RORA: variants seen among roughly 807,000 people sequenced by gnomAD.
RORA encodes the protein RAR related orphan receptor A, also known as nuclear receptor ROR-alpha.
In RORA, 7 loss-of-function variants were observed where a neutral mutation model predicts 69.5. The ratio of observed to expected loss-of-function variants is 0.10; its 90% CI spans 0.06 to 0.19. The LOEUF (loss-of-function observed/expected upper bound fraction) is 0.19. Among genes scored for constraint, RORA ranks in the 10% least tolerant of loss-of-function variants. The pLI, the probability that RORA is intolerant of heterozygous loss-of-function variation, is 1.00. For missense variants in RORA, 457 were observed against 663.0 expected, an observed-to-expected ratio of 0.69 and a Z score of 3.41; for synonymous variants, 261 against 240.8, an observed-to-expected ratio of 1.08 and a Z score of -0.78.
intron 2 of RORA, among the ~76,000 whole-genome samples, chr15:60,640,333 A>C (rs1311994878): frequency 6.6e-6 from 1 of 152,176 alleles, no homozygotes; most frequent in Non-Finnish European, 1.5e-5. Flanking sequence ...ACTTCTCTCT[A>C]TTGTCATTGC....
At chr15:60,869,435 T>C (rs1246185030) in intron 1 of RORA, among the ~76,000 whole-genome samples, 1 of 152,044 alleles carries the variant, frequency 6.6e-6, no homozygotes, top group Non-Finnish European at 1.5e-5. Flanking sequence ...GAAGGAAAGG[T>C]GGTCTCAATA....
intron 2 of RORA, among the ~76,000 whole-genome samples, chr15:60,582,051 C>T (rs926941163): frequency 1.3e-5 from 2 of 152,100 alleles, no homozygotes; most frequent in African/African-American, 2.4e-5. Context: ...CAACTGCCCC[C>T]GCCCCTTGGT....
chr15:61,114,081 A>G (rs182912005), intron 1 of RORA, among the ~76,000 whole-genome samples: 286 of 152,332 alleles, frequency 1.9e-3, no homozygotes, highest in African/African-American at 6.7e-3. Flanking sequence ...TCACTCCGCA[A>G]AGTTCTTATT....
At chr15:60,857,521 G>C (rs1031612612) in intron 1 of RORA, among the ~76,000 whole-genome samples, 1 of 152,014 alleles carries the variant, frequency 6.6e-6, no homozygotes, top group African/African-American at 2.4e-5. Flanking sequence ...GTTGCTTTCC[G>C]GGTATTTGTA....
At chr15:60,540,993 C>T (rs1226547444) in intron 2 of RORA, among the ~76,000 whole-genome samples, 2 of 152,144 alleles carry the variant, frequency 1.3e-5, no homozygotes, top group African/African-American at 2.4e-5. Context: ...ATTTCTGCTC[C>T]ACCTCTGTGC....
chr15:60,570,806 G>A (rs527327438), intron 2 of RORA, among the ~76,000 whole-genome samples: 1 of 152,154 alleles, frequency 6.6e-6, no homozygotes, highest in Non-Finnish European at 1.5e-5. Context: ...AGAGACTAAG[G>A]TTCCAAAATT....
At chr15:61,084,125 G>A (rs2078587358) in intron 1 of RORA, among the ~76,000 whole-genome samples, 2 of 152,166 alleles carry the variant, frequency 1.3e-5, no homozygotes, top group African/African-American at 4.8e-5. Context: ...TCCAAGAGGG[G>A]CTATCGATGC....
chr15:60,761,296 A>G (rs1404029422), intron 1 of RORA, among the ~76,000 whole-genome samples: 1 of 152,142 alleles, frequency 6.6e-6, no homozygotes, highest in East Asian at 1.9e-4. Context: ...ATGTATTATC[A>G]ATTTTCAAAG....
intron 4 of RORA, among the ~76,000 whole-genome samples, chr15:60,514,013 G>A (rs1224221095): frequency 3.9e-5 from 6 of 152,206 alleles, no homozygotes; most frequent in African/African-American, 1.4e-4. Flanking sequence ...TTTCCAGGAA[G>A]ATCTTGAAAT....
At chr15:60,624,806 C>A (rs957750488) in intron 2 of RORA, among the ~76,000 whole-genome samples, 2 of 152,066 alleles carry the variant, frequency 1.3e-5, no homozygotes, top group Middle Eastern at 3.4e-3. Context: ...GCCAAGGGAA[C>A]AATGATTTAA....
At chr15:60,767,065 A>G (rs1041349116) in intron 1 of RORA, among the ~76,000 whole-genome samples, 3 of 152,214 alleles carry the variant, frequency 2.0e-5, no homozygotes, top group Non-Finnish European at 4.4e-5. Context: ...CAGATTAGTA[A>G]CTAACACAGA....
intron 4 of RORA, among the ~76,000 whole-genome samples, chr15:60,513,025 T>A (rs1428846545): frequency 6.6e-6 from 1 of 152,186 alleles, no homozygotes; most frequent in Non-Finnish European, 1.5e-5. Flanking sequence ...ATCGTAGTTA[T>A]AAGAGTCTAG....
intron 1 of RORA, among the ~76,000 whole-genome samples, chr15:61,015,735 A>G (rs1007375652): frequency 4.6e-5 from 7 of 152,254 alleles, no homozygotes; most frequent in Non-Finnish European, 5.9e-5. Context: ...TCAGCTGCAT[A>G]CATGGGGGAA....
At chr15:60,711,303 T>C (rs1173189016) in intron 1 of RORA, among the ~76,000 whole-genome samples, 3 of 152,218 alleles carry the variant, frequency 2.0e-5, no homozygotes, top group Non-Finnish European at 4.4e-5. Context: ...CAGGCCTACA[T>C]ATCTTTCTTT....
intron 1 of RORA, among the ~76,000 whole-genome samples, chr15:60,923,416 G>A (rs1892109958): frequency 6.6e-6 from 1 of 152,152 alleles, no homozygotes; most frequent in Non-Finnish European, 1.5e-5. Flanking sequence ...TCAAACAAAT[G>A]TATGTGGGAT....
intron 1 of RORA, among the ~76,000 whole-genome samples, chr15:61,005,421 G>A (rs1265213454): frequency 5.9e-5 from 9 of 152,092 alleles, no homozygotes; most frequent in Admixed American, 1.3e-4. Context: ...TGGAGGCTGC[G>A]GTGAGCTGAG....
chr15:60,518,265 A>G (rs142474148), intron 3 of RORA, among the ~76,000 whole-genome samples: 4 of 152,350 alleles, frequency 2.6e-5, no homozygotes, highest in Non-Finnish European at 5.9e-5. Flanking sequence ...TTTAGTTTGC[A>G]TACATACATT....
At chr15:60,931,901 T>G (rs1191045564) in intron 1 of RORA, among the ~76,000 whole-genome samples, 3 of 152,264 alleles carry the variant, frequency 2.0e-5, no homozygotes, top group African/African-American at 7.2e-5. Flanking sequence ...GGAGCCATGT[T>G]AAGCCATTGC....
At chr15:60,743,239 T>C (rs1460170928) in intron 1 of RORA, among the ~76,000 whole-genome samples, 1 of 152,030 alleles carries the variant, frequency 6.6e-6, no homozygotes, top group African/African-American at 2.4e-5. Context: ...GGTCTTGAAC[T>C]CCTTACCTCA....
Sources: allele counts gnomAD v4.1 joint callset (sites outside exome capture counted in the v4.1 genomes callset), GRCh38; gene constraint gnomAD v4.1.1; transcripts MANE v1.5; gene names NCBI Gene and HGNC (gene_info 2026-07-23, HGNC 2026-07-21).